ARHGAP17: variants seen among roughly 807,000 people sequenced by gnomAD.
ARHGAP17 encodes rho GTPase-activating protein 17.
In ARHGAP17, 57 loss-of-function variants were observed where a neutral mutation model predicts 99.5. The ratio of observed to expected loss-of-function variants is 0.57; its 90% confidence interval spans 0.46 to 0.71. The LOEUF is 0.71. Ranked by LOEUF, ARHGAP17 falls within the 30% of genes least tolerant of loss-of-function variation. The probability of loss-of-function intolerance (pLI) is 0.00; values close to 1 mark genes in which losing one functional copy is unlikely to be tolerated. For missense variants in ARHGAP17, 1,000 were observed against 1,122.4 expected, an observed-to-expected ratio of 0.89 and a Z score of 1.56; for synonymous variants, 417 against 429.6, an observed-to-expected ratio of 0.97 and a Z score of 0.36.
rs2141267816 is a variant in ARHGAP17, at chr16:24,959,835, T to C, written c.642+76A>G. 3 of 1,603,404 alleles carry C rather than the reference T, an allele frequency of 1.9e-6. No individual in the cohort carries two copies. In the East Asian group the frequency reaches 6.7e-5, roughly 36 times the overall value. On this transcript the variant is annotated intron_variant, in intron 8 of 19. Coordinates refer to ENST00000289968, the MANE Select transcript of ARHGAP17 (RefSeq NM_001006634.3). ...CACAATGGCTGAGCAAAACTAAAAA[T>C]GAAATCTTTTGCAAAAAAGCTAAAA... is the stretch of plus-strand genomic sequence containing the variant.
chr16:24,985,169 G>A (rs531870397), intron 1 of ARHGAP17, among the ~76,000 whole-genome samples: 1 of 148,716 alleles, frequency 6.7e-6, no homozygotes, highest in South Asian at 2.2e-4. Context: ...GGATGCTACT[G>A]ACTATCCTAA....
intron 1 of ARHGAP17, among the ~76,000 whole-genome samples, chr16:25,014,624 G>C (rs1317216398): frequency 6.6e-6 from 1 of 152,200 alleles, no homozygotes; most frequent in African/African-American, 2.4e-5. Context: ...AGGAGCCCTG[G>C]TTTTGAGACA....
intron 3 of ARHGAP17, among the ~76,000 whole-genome samples, chr16:24,975,236 C>G (rs761874216): frequency 2.0e-5 from 3 of 152,154 alleles, no homozygotes; most frequent in Non-Finnish European, 2.9e-5. Context: ...AGAGAGTCAA[C>G]ACAGAAGGAA....
At chr16:24,966,505 T>C (rs1000616799) in intron 6 of ARHGAP17, among the ~76,000 whole-genome samples, 1 of 152,048 alleles carries the variant, frequency 6.6e-6, no homozygotes. Context: ...TGGTGGCACA[T>C]GCTTGTAATC....
chr16:24,933,174 C>T (rs1029146203), intron 18 of ARHGAP17, among the ~76,000 whole-genome samples: 2 of 151,810 alleles, frequency 1.3e-5, no homozygotes, highest in Non-Finnish European at 1.5e-5. Context: ...CCCCTATTCC[C>T]CGGCTGCCTG....
intron 1 of ARHGAP17, among the ~76,000 whole-genome samples, chr16:25,006,800 T>C (rs150650755): frequency 2.6e-4 from 40 of 152,226 alleles, no homozygotes; most frequent in African/African-American, 8.7e-4. Context: ...TGAAGCCAAT[T>C]TGAGGAAGAA....
intron 1 of ARHGAP17, among the ~76,000 whole-genome samples, chr16:25,014,726 T>G (rs542309907): frequency 6.6e-6 from 1 of 152,332 alleles, no homozygotes; most frequent in South Asian, 2.1e-4. Flanking sequence ...CTTGCCGCCA[T>G]GCACTTACAG....
At chr16:25,007,077 C>A (rs116883367) in intron 1 of ARHGAP17, among the ~76,000 whole-genome samples, 320 of 152,280 alleles carry the variant, frequency 2.1e-3, no homozygotes, top group Non-Finnish European at 3.5e-3. Flanking sequence ...ACAATCTAAC[C>A]TCTTTTAACT....
At chr16:24,984,101 A>T (rs977673066) in intron 1 of ARHGAP17, among the ~76,000 whole-genome samples, 2 of 152,330 alleles carry the variant, frequency 1.3e-5, no homozygotes, top group African/African-American at 4.8e-5. Context: ...GGTGAGAGTC[A>T]AAGGAAAATT....
intron 1 of ARHGAP17, among the ~76,000 whole-genome samples, chr16:24,982,854 A>G (rs942042026): frequency 2.7e-5 from 4 of 149,928 alleles, no homozygotes; most frequent in African/African-American, 1.0e-4. Context: ...AGTTTTTGTA[A>G]TTTATTAAAG....
intron 19 of ARHGAP17, among the ~76,000 whole-genome samples, chr16:24,923,211 C>T (rs1288446736): frequency 2.0e-5 from 3 of 152,184 alleles, no homozygotes; most frequent in Admixed American, 6.5e-5. Flanking sequence ...TTTCCCTCCT[C>T]CCCAGAGGAG....
intron 14 of ARHGAP17, among the ~76,000 whole-genome samples, chr16:24,945,335 AAAGG>A (rs956882815): frequency 2.0e-5 from 3 of 151,188 alleles, no homozygotes; most frequent in Non-Finnish European, 2.9e-5. Context: ...AAAAAAAAAG[AAAGG>A]AAGAAAGAAG....
intron 18 of ARHGAP17, among the ~76,000 whole-genome samples, chr16:24,932,213 AC>A (rs974459763): frequency 2.0e-5 from 3 of 152,184 alleles, no homozygotes; most frequent in African/African-American, 7.2e-5. Context: ...AACAGGGGAA[AC>A]TGAGTAAGGG....
chr16:25,004,667 C>T (rs977408451), intron 1 of ARHGAP17, among the ~76,000 whole-genome samples: 2 of 152,080 alleles, frequency 1.3e-5, no homozygotes, highest in African/African-American at 4.8e-5. Context: ...TTTGGCCAAA[C>T]CATGTGGAAG....
intron 10 of ARHGAP17, among the ~76,000 whole-genome samples, chr16:24,954,394 T>C (rs2051740950): frequency 6.6e-6 from 1 of 152,206 alleles, no homozygotes; most frequent in African/African-American, 2.4e-5. Context: ...TTTGTTTCAT[T>C]CATAGACAGA....
At position 24,952,225 on chromosome 16, in the gene ARHGAP17, C is replaced by T. The variant is rs2051666645; in HGVS notation, c.1046+64G>A. On this transcript the variant is annotated intron_variant, in intron 12 of 19. Coordinates refer to ENST00000289968, the MANE Select transcript of ARHGAP17 (RefSeq NM_001006634.3). ...TGATCCCTGAGAATAAAATGATTTG[C>T]AAATAGGGCACAATATCACTTCATT... 12 of 1,261,146 alleles carry T rather than the reference C, an allele frequency of 9.5e-6. No homozygotes were observed. The Admixed American group carries it at 2.3e-4, about 25-fold the overall frequency. The allele number at this position is 1,261,146 out of a possible 1,614,324, so 78.1% of individuals were successfully genotyped here.
intron 1 of ARHGAP17, among the ~76,000 whole-genome samples, chr16:24,994,816 G>A (rs1597472651): frequency 6.6e-6 from 1 of 152,252 alleles, no homozygotes; most frequent in African/African-American, 2.4e-5. Flanking sequence ...CACTTTACTT[G>A]TATTAACCCA....
At chr16:24,939,943 C>T (rs2051265832) in intron 16 of ARHGAP17, 1 of 317,946 alleles carries the variant, frequency 3.1e-6, no homozygotes, top group African/African-American at 2.2e-5. Context: ...TGGTCTCACT[C>T]CACCACCCAG....
At chr16:24,920,516 A>G (rs746529458) in intron 19 of ARHGAP17, 74 of 388,526 alleles carry the variant, frequency 1.9e-4, no homozygotes, top group Non-Finnish European at 3.3e-4. Context: ...TTGGAGATGC[A>G]GCTTTTAAAG....
Sources: allele counts gnomAD v4.1 joint callset (sites outside exome capture counted in the v4.1 genomes callset), GRCh38; gene constraint gnomAD v4.1.1; transcripts MANE v1.5; gene names NCBI Gene and HGNC (gene_info 2026-07-23, HGNC 2026-07-21).